DLEU7: variants seen among roughly 807,000 people sequenced by gnomAD.
DLEU7 encodes the protein leukemia-associated protein 7.
DLEU7 carries 17 observed loss-of-function variants against 16.0 expected under a neutral mutation model. The ratio of observed to expected loss-of-function variants is 1.06; its 90% CI spans 0.73 to 1.59. The LOEUF (loss-of-function observed/expected upper bound fraction) is 1.59. Among genes scored for constraint, DLEU7 ranks in the 40% most tolerant of loss-of-function variants. The probability of loss-of-function intolerance (pLI) is 0.00; values close to 1 mark genes in which losing one functional copy is unlikely to be tolerated. For missense variants in DLEU7, 308 were observed against 314.9 expected (o/e 0.98, Z 0.17); for synonymous variants, 113 against 139.8 (o/e 0.81, Z 1.35).
chr13:50,747,580 G>T (rs973491626), intron 1 of DLEU7, among the ~76,000 whole-genome samples: 1 of 152,002 alleles, frequency 6.6e-6, no homozygotes, highest in Admixed American at 6.5e-5. Context: ...TCTAGTTGGA[G>T]CCAGTCACAG....
intron 1 of DLEU7, among the ~76,000 whole-genome samples, chr13:50,755,515 T>C (rs2137738940): frequency 6.6e-6 from 1 of 151,674 alleles, no homozygotes; most frequent in Admixed American, 6.6e-5. Context: ...TGTATTTCTA[T>C]AAATGTGTCC....
chr13:50,763,474 G>A (rs2137747751), intron 1 of DLEU7, among the ~76,000 whole-genome samples: 1 of 152,286 alleles, frequency 6.6e-6, no homozygotes, highest in African/African-American at 2.4e-5. Context: ...AATGAACCAT[G>A]CTTTAAGAAG....
intron 1 of DLEU7, among the ~76,000 whole-genome samples, chr13:50,747,371 T>TGTGTGTGTGTGA (rs547782037): frequency 1.3e-3 from 89 of 66,082 alleles, no homozygotes; most frequent in Non-Finnish European, 2.0e-3. Context: ...TGTGTGTGTG[T>TGTGTGTGTGTGA]GACAGAGAGG....
chr13:50,756,159 G>A (rs1316885046), intron 1 of DLEU7, among the ~76,000 whole-genome samples: 2 of 152,156 alleles, frequency 1.3e-5, no homozygotes, highest in Non-Finnish European at 2.9e-5. Flanking sequence ...TTAGCTTTTT[G>A]GTGGTTTAAT....
Position 50,726,169 on chromosome 13 carries a change from G to A in DLEU7, c.460-12929C>T, listed in dbSNP as rs936519118. Among the ~76,000 whole-genome samples, 6 of 152,176 alleles carry A rather than the reference G, an allele frequency of 3.9e-5. No individual in the cohort carries two copies. Among genetic ancestry groups the A allele is most frequent in the African/African-American group, 1.4e-4 (6 of 41,446 alleles). ...TGCCCTGTGGCCTTAGGACACTTAG[G>A]TAACATGGCCTTGCCAACCTCTGGG... On this transcript the variant is annotated intron_variant, in intron 1 of 1. Transcript: ENST00000400393. The surrounding 1 kb of genome is among the most constrained non-coding windows in gnomAD (Gnocchi z 4.0).
intron 1 of DLEU7, among the ~76,000 whole-genome samples, chr13:50,823,765 T>C (rs1876994832): frequency 1.3e-5 from 2 of 152,164 alleles, no homozygotes. Context: ...CCAAGGCCAA[T>C]AGGCCACAGG....
At chr13:50,819,020 G>A (rs1876817605), downstream of DLEU7, among the ~76,000 whole-genome samples, 1 of 152,074 alleles carries the variant, frequency 6.6e-6, no homozygotes, top group Admixed American at 6.6e-5. Context: ...AGGTCCCTTT[G>A]ATTAAGATAA....
At chr13:50,815,554 A>C (rs1246373353) in intron 1 of DLEU7, among the ~76,000 whole-genome samples, 1 of 152,114 alleles carries the variant, frequency 6.6e-6, no homozygotes, top group Non-Finnish European at 1.5e-5. Flanking sequence ...CATTCATTAA[A>C]ACACCTGGAA....
chr13:50,757,806 A>G (rs185113458), intron 1 of DLEU7, among the ~76,000 whole-genome samples: 6 of 152,322 alleles, frequency 3.9e-5, no homozygotes, highest in Admixed American at 3.9e-4. Flanking sequence ...TGTTAGCAAA[A>G]GTGCAGGGGC....
intron 1 of DLEU7, among the ~76,000 whole-genome samples, chr13:50,727,979 G>C (rs953485327): frequency 1.3e-5 from 2 of 152,202 alleles, no homozygotes; most frequent in Non-Finnish European, 2.9e-5. Context: ...AGTAGATCTG[G>C]GGTGGTGCCT....
chr13:50,822,888 A>G (rs981252104), downstream of DLEU7: 4 of 989,018 alleles, frequency 4.0e-6, no homozygotes, highest in South Asian at 4.5e-5. Context: ...ATTATCAAAT[A>G]TCTCATTCAT....
intron 1 of DLEU7, among the ~76,000 whole-genome samples, chr13:50,736,908 T>C (rs1266853679): frequency 6.6e-6 from 1 of 151,836 alleles, no homozygotes; most frequent in Admixed American, 6.6e-5. Context: ...CAACTTGAGG[T>C]TAACAAATTC....
At chr13:50,723,726 T>A (rs917117021) in intron 1 of DLEU7, among the ~76,000 whole-genome samples, 3 of 151,984 alleles carry the variant, frequency 2.0e-5, no homozygotes, top group Non-Finnish European at 2.9e-5. Flanking sequence ...TAAGCCTATT[T>A]ATCTCCCAAA....
At chr13:50,732,014 T>G (rs1873925703) in intron 1 of DLEU7, among the ~76,000 whole-genome samples, 1 of 152,250 alleles carries the variant, frequency 6.6e-6, no homozygotes, top group South Asian at 2.1e-4. Context: ...TTTATTCTAC[T>G]CTGATATTTC....
At chr13:50,772,319 T>A (rs1020670756) in intron 1 of DLEU7, among the ~76,000 whole-genome samples, 1 of 152,232 alleles carries the variant, frequency 6.6e-6, no homozygotes, top group Non-Finnish European at 1.5e-5. Context: ...TGATGTTAGC[T>A]GGTTATTTTG....
At position 50,843,493 on chromosome 13, in the gene DLEU7, G is replaced by C. The variant is rs1030004185; in HGVS notation, c.154C>G (p.Arg52Gly). 8.1e-6 allele frequency: 11 copies of C among 1,364,730 alleles called. No homozygotes were observed. Among genetic ancestry groups the C allele is most frequent in the Admixed American group, 4.1e-5 (1 of 24,372 alleles). 84.5% of individuals were successfully genotyped at this position (1,364,730 alleles called of 1,614,324 possible). A position where few individuals can be genotyped will look rare whatever the true frequency, so the allele number is the denominator to read the frequency against. Residue 52 changes from arginine (R) to glycine (G), a missense_variant, in exon 1 of 2, where the codon CGT becomes GGT. Transcript: ENST00000504404. This position sits in a 1 kb window ranked among gnomAD's most constrained non-coding sequence, Gnocchi z 5.7. Reference sequence around the variant, plus strand: ...CGGGCCCGCGGCGGGCCTGAGCGACGGGCTGGAGCGGTGGACACGTGGTCT... The same window carrying C: ...CGGGCCCGCGGCGGGCCTGAGCGACCGGCTGGAGCGGTGGACACGTGGTCT... ...DPDHVSTAPA[R>G]RSGPPRARPG...
intron 1 of DLEU7, among the ~76,000 whole-genome samples, chr13:50,741,031 T>C (rs1210869991): frequency 6.6e-6 from 1 of 152,128 alleles, no homozygotes; most frequent in Non-Finnish European, 1.5e-5. Flanking sequence ...AAAATCTGTC[T>C]CAGAGAAGAT....
rs570509528 is a variant in DLEU7 at position 50,713,251 on chromosome 13, T to A, written c.460-11A>T. The A allele has an allele frequency of 2.2e-5, 36 of 1,608,944 alleles. No individual in the cohort carries two copies. In the South Asian group the frequency reaches 3.8e-4, roughly 17 times the overall value. On this transcript the variant is annotated splice_polypyrimidine_tract_variant and intron_variant, in intron 1 of 1. Transcript: ENST00000400393. ...AGCCAGGAGTTGAAGCTGAAAGAAA[T>A]GTAGCATAATATCTCAAATGCTTGC... is the stretch of plus-strand genomic sequence containing the variant.
At chr13:50,770,417 A>G (rs181208143) in intron 1 of DLEU7, among the ~76,000 whole-genome samples, 47 of 152,276 alleles carry the variant, frequency 3.1e-4, no homozygotes, top group Admixed American at 9.8e-4. Context: ...TTTTTCATAA[A>G]TAGCTCTTAT....
Sources: allele counts gnomAD v4.1 joint callset (sites outside exome capture counted in the v4.1 genomes callset), GRCh38; gene constraint gnomAD v4.1.1; non-coding constraint Gnocchi (gnomAD v3.1); transcripts MANE v1.5; gene names NCBI Gene and HGNC (gene_info 2026-07-23, HGNC 2026-07-21).